The following FRMD5 variants were observed in gnomAD, a reference collection of about 807,000 sequenced individuals.
The protein encoded by FRMD5 is FERM domain containing 5.
A neutral mutation model predicts 69.0 loss-of-function variants in FRMD5; 20 were observed. That is an observed-to-expected ratio of 0.29 (90% CI 0.20 to 0.42). FRMD5 has a LOEUF of 0.42. Ranked by LOEUF, FRMD5 falls within the 10% of genes least tolerant of loss-of-function variation. FRMD5 has a pLI of 1.00. For synonymous variants in FRMD5, 271 were observed against 260.1 expected (o/e 1.04, Z -0.40); for missense variants, 595 against 708.6 (o/e 0.84, Z 1.82).
chr15:44,176,554 T>G (rs1289666990), intron 1 of FRMD5, among the ~76,000 whole-genome samples: 1 of 152,150 alleles, frequency 6.6e-6, no homozygotes, highest in African/African-American at 2.4e-5. Flanking sequence ...AATTAAAATC[T>G]TTTGTGCTTC....
intron 1 of FRMD5, among the ~76,000 whole-genome samples, chr15:43,945,009 C>T (rs1253749515): frequency 6.7e-6 from 1 of 149,798 alleles, no homozygotes; most frequent in Admixed American, 6.7e-5. Flanking sequence ...AGGCTGGTCT[C>T]CTCCTGAGTT....
chr15:43,960,317 T>C (rs748174104), intron 1 of FRMD5, among the ~76,000 whole-genome samples: 4 of 152,144 alleles, frequency 2.6e-5, no homozygotes, highest in Non-Finnish European at 4.4e-5. Context: ...TGGCGCGATC[T>C]TGGCTCACTG....
chr15:44,026,068 C>T (rs1891416216), intron 1 of FRMD5, among the ~76,000 whole-genome samples: 1 of 152,170 alleles, frequency 6.6e-6, no homozygotes, highest in South Asian at 2.1e-4. Flanking sequence ...ACATCTGCCT[C>T]CTGGGTTCAA....
At position 44,181,107 on chromosome 15, in the gene FRMD5, A is replaced by T. The variant is rs557704059; in HGVS notation, c.102+13846T>A. Among the ~76,000 whole-genome samples the T allele has an allele frequency of 1.9e-4, 29 of 152,248 alleles. No individual in the cohort carries two copies. In the South Asian group the frequency reaches 5.4e-3, roughly 28 times the overall value. On this transcript the variant is annotated intron_variant, in intron 1 of 13. Coordinates refer to ENST00000417257, the MANE Select transcript of FRMD5 (RefSeq NM_032892.5). Reference sequence around the variant, plus strand: ...CAGGCTAGAGTACAGTGGTCTGATGACAACTCACTGCAGCCTCCAACTCTG... The same window carrying T: ...CAGGCTAGAGTACAGTGGTCTGATGTCAACTCACTGCAGCCTCCAACTCTG...
intron 1 of FRMD5, among the ~76,000 whole-genome samples, chr15:44,009,603 T>A (rs2140205764): frequency 6.6e-6 from 1 of 152,238 alleles, no homozygotes; most frequent in Middle Eastern, 3.4e-3. Flanking sequence ...TGCTTGAGCC[T>A]GGGAAGTCGA....
intron 1 of FRMD5, among the ~76,000 whole-genome samples, chr15:44,113,017 G>T (rs1475302616): frequency 6.6e-6 from 1 of 152,164 alleles, no homozygotes; most frequent in Non-Finnish European, 1.5e-5. Context: ...TGAGAAGGGG[G>T]TCTTATAGGA....
At chr15:44,157,363 C>T (rs1379049849) in intron 1 of FRMD5, among the ~76,000 whole-genome samples, 1 of 152,162 alleles carries the variant, frequency 6.6e-6, no homozygotes, top group Admixed American at 6.5e-5. Context: ...GGTCCTCTCA[C>T]ATTAGGAACT....
chr15:44,096,710 C>G (rs2076559135), intron 1 of FRMD5, among the ~76,000 whole-genome samples: 1 of 152,098 alleles, frequency 6.6e-6, no homozygotes, highest in Admixed American at 6.6e-5. Context: ...CCACACCCAG[C>G]CTAGTAGTGT....
intron 9 of FRMD5, among the ~76,000 whole-genome samples, chr15:43,888,598 T>TG (rs2088720165): frequency 6.6e-6 from 1 of 152,170 alleles, no homozygotes; most frequent in African/African-American, 2.4e-5. Context: ...ATCTCTTGAG[T>TG]GGAAGCTCTG....
At chr15:44,170,858 T>C (rs1402059927) in intron 1 of FRMD5, among the ~76,000 whole-genome samples, 1 of 152,234 alleles carries the variant, frequency 6.6e-6, no homozygotes, top group African/African-American at 2.4e-5. Context: ...AATTTATACA[T>C]GATTTTTCAC....
At chr15:44,050,881 C>T (rs1455902138) in intron 1 of FRMD5, among the ~76,000 whole-genome samples, 1 of 151,814 alleles carries the variant, frequency 6.6e-6, no homozygotes, top group Non-Finnish European at 1.5e-5. Context: ...TGGTCTCAAA[C>T]TCCTGACCTC....
chr15:44,062,749 C>T (rs916161392), intron 1 of FRMD5, among the ~76,000 whole-genome samples: 15 of 150,400 alleles, frequency 1.0e-4, no homozygotes, highest in Admixed American at 4.6e-4. Flanking sequence ...AAATACTATA[C>T]CATTTATATA....
intron 1 of FRMD5, among the ~76,000 whole-genome samples, chr15:43,938,067 T>C (rs565906100): frequency 6.6e-6 from 1 of 151,774 alleles, no homozygotes; most frequent in African/African-American, 2.4e-5. Context: ...CTGTCTCTAC[T>C]AAAAACACAA....
At chr15:44,041,533 A>G (rs1158226761) in intron 1 of FRMD5, among the ~76,000 whole-genome samples, 4 of 152,204 alleles carry the variant, frequency 2.6e-5, no homozygotes, top group Non-Finnish European at 5.9e-5. Context: ...ATTGGAAGTA[A>G]AACACTCCTC....
chr15:44,028,397 A>C (rs999525966), intron 1 of FRMD5, among the ~76,000 whole-genome samples: 5 of 152,236 alleles, frequency 3.3e-5, no homozygotes, highest in African/African-American at 1.2e-4. Flanking sequence ...GAGATAAATC[A>C]GTTTGTTAAA....
chr15:44,166,793 A>G (rs2077717369), intron 1 of FRMD5, among the ~76,000 whole-genome samples: 1 of 151,094 alleles, frequency 6.6e-6, no homozygotes, highest in Non-Finnish European at 1.5e-5. Context: ...CAAAAAAAAA[A>G]AAAAAAAAAA....
At chr15:44,069,062 A>T (rs1440644557) in intron 1 of FRMD5, among the ~76,000 whole-genome samples, 2 of 152,228 alleles carry the variant, frequency 1.3e-5, no homozygotes, top group African/African-American at 2.4e-5. Context: ...ACTGATGGCA[A>T]ATAAGTACAT....
intron 7 of FRMD5, among the ~76,000 whole-genome samples, chr15:43,899,791 C>T (rs1595496573): frequency 6.6e-6 from 1 of 152,220 alleles, no homozygotes; most frequent in Non-Finnish European, 1.5e-5. Context: ...GATGGACAAA[C>T]TCACCCAAGA....
At chr15:44,148,184 C>T (rs2077384966) in intron 1 of FRMD5, among the ~76,000 whole-genome samples, 1 of 151,786 alleles carries the variant, frequency 6.6e-6, no homozygotes, top group Non-Finnish European at 1.5e-5. Context: ...CTAAGATATT[C>T]AAAAGTAAAA....
Sources: allele counts gnomAD v4.1 joint callset (sites outside exome capture counted in the v4.1 genomes callset), GRCh38; gene constraint gnomAD v4.1.1; transcripts MANE v1.5; gene names NCBI Gene and HGNC (gene_info 2026-07-23, HGNC 2026-07-21).